The following WWP2 variants were observed in gnomAD, a reference collection of about 807,000 sequenced individuals.
WWP2 encodes NEDD4-like E3 ubiquitin-protein ligase WWP2.
Under a neutral mutation model 121.0 loss-of-function variants are expected in WWP2, and 57 were observed. The observed-to-expected ratio is 0.47, with a 90% CI of 0.38 to 0.59. WWP2 has a LOEUF of 0.59. Among genes scored for constraint, WWP2 ranks in the 20% least tolerant of loss-of-function variants. The pLI is 0.00. For missense variants in WWP2, 962 were observed against 1,158.9 expected, an observed-to-expected ratio of 0.83 and a Z score of 2.47; for synonymous variants, 449 against 441.3, an observed-to-expected ratio of 1.02 and a Z score of -0.22.
chr16:69,844,504 C>T (rs957708565), intron 6 of WWP2, among the ~76,000 whole-genome samples: 1 of 147,388 alleles, frequency 6.8e-6, no homozygotes, highest in African/African-American at 2.6e-5. Flanking sequence ...TCAGATTCAG[C>T]TATTAACAAG....
chr16:69,783,332 A>G (rs1230743942), intron 1 of WWP2, among the ~76,000 whole-genome samples: 2 of 152,090 alleles, frequency 1.3e-5, no homozygotes, highest in African/African-American at 2.4e-5. Context: ...TCTTAGAGTA[A>G]TATGGTGAAT....
chr16:69,917,544 T>G, intron 9 of WWP2, 165 bp from the exon 10 acceptor site: 1 of 651,874 alleles, frequency 1.5e-6, no homozygotes. Flanking sequence ...CAAGGAGGGA[T>G]TGGGTGCTGC....
chr16:69,867,082 T>C lies in WWP2; in HGVS notation c.576-4722T>C, dbSNP rs540189291. Among the ~76,000 whole-genome samples, 36 of 151,750 alleles carry C rather than the reference T, an allele frequency of 2.4e-4. 1 individual carries two copies. Among genetic ancestry groups the C allele is most frequent in the Non-Finnish European group, 5.0e-4 (34 of 67,964 alleles). On this transcript the variant is annotated intron_variant, in intron 6 of 23. Coordinates refer to ENST00000359154, the MANE Select transcript of WWP2 (RefSeq NM_001270454.2). The stretch of plus-strand genomic sequence containing the variant: ...AACTCCTGACCTCAGGTGATCCACC[T>C]GCCTCAGCCTCCTGAAGTGCTGGGA...
chr16:69,835,799 A>G (rs1295295977), intron 4 of WWP2, among the ~76,000 whole-genome samples: 1 of 142,970 alleles, frequency 7.0e-6, no homozygotes, highest in African/African-American at 2.6e-5. Context: ...ATAAAACCAA[A>G]GTAAATTTTT....
At chr16:69,912,955 A>G (rs56226752) in intron 9 of WWP2, among the ~76,000 whole-genome samples, 2 of 8,360 alleles carry the variant, frequency 2.4e-4, no homozygotes, top group African/African-American at 4.3e-4. Flanking sequence ...AAAAAAAAAA[A>G]ATATATATAT....
chr16:69,853,004 G>T (rs1408473226), intron 6 of WWP2, among the ~76,000 whole-genome samples: 1 of 152,208 alleles, frequency 6.6e-6, no homozygotes, highest in Non-Finnish European at 1.5e-5. Flanking sequence ...GGCAAGAGCA[G>T]TTCACAAAGG....
chr16:69,888,207 A>C lies in WWP2; in HGVS notation c.872A>C (p.Gln291Pro), dbSNP rs74460098. The C allele has an allele frequency of 6.2e-7, 1 of 1,614,146 alleles. No homozygotes were observed. Among genetic ancestry groups the C allele is most frequent in the Non-Finnish European group, 8.5e-7 (1 of 1,180,018 alleles). ...GEEPSTSGTQ[Q>P]LPAAAQAPDA... ...GAACCCAGCACTTCGGGTACACAGC[A>C]GCTCCCAGCGGCTGCCCAGGCCCCC... Residue 291 changes from glutamine to proline, a missense_variant, in exon 8 of 24, where the codon CAG (glutamine) becomes CCG (proline). By Grantham distance (76) the Gln-to-Pro change is moderately conservative. Coordinates refer to ENST00000359154, the MANE Select transcript of WWP2 (RefSeq NM_001270454.2).
rs774073903 is a variant in WWP2, at chr16:69,929,473, G to A, written c.1260G>A (p.Val420=). Reference sequence around the variant, plus strand: ...AGAAGAGACAGGACAATGGACGGGTGTATTACGTGAACCATAACACTCGCA... The same window carrying A: ...AGAAGAGACAGGACAATGGACGGGTATATTACGTGAACCATAACACTCGCA... ...GWEKRQDNGR[V]YYVNHNTRTT... The change falls in exon 12 of 24, where the codon GTG becomes GTA. Residue 420 remains valine, a synonymous_variant. Transcript: ENST00000359154. 10 of 1,614,136 alleles carry A rather than the reference G, an allele frequency of 6.2e-6. No individual in the cohort carries two copies. The East Asian group carries it at 1.3e-4, about 22-fold the overall frequency.
At chr16:69,864,095 G>A (rs6499265) in intron 6 of WWP2, among the ~76,000 whole-genome samples, 80,240 of 151,958 alleles carry the variant, frequency 0.53, 21,783 homozygotes, top group East Asian at 0.9. Context: ...CAGGTGTGGT[G>A]GCTCATGCCT....
chr16:69,871,765 G>C (rs1000640), intron 6 of WWP2, 39 bp from the exon 7 acceptor site: 161,874 of 1,609,794 alleles, frequency 0.1, 9,350 homozygotes, highest in South Asian at 0.21. Context: ...CCTTTTCACA[G>C]TGACTTATGT....
At chr16:69,848,658 AAAAG>A in intron 6 of WWP2, among the ~76,000 whole-genome samples, 1 of 151,544 alleles carries the variant, frequency 6.6e-6, no homozygotes, top group South Asian at 2.1e-4. Flanking sequence ...AAAAAAAAAA[AAAAG>A]AAGCTATATA....
At chr16:69,885,021 A>C (rs906679613) in intron 7 of WWP2, among the ~76,000 whole-genome samples, 7 of 151,262 alleles carry the variant, frequency 4.6e-5, no homozygotes, top group African/African-American at 1.7e-4. Flanking sequence ...ACATTGTTTT[A>C]ATTGCTGTAG....
intron 8 of WWP2, among the ~76,000 whole-genome samples, chr16:69,900,658 G>A (rs563537034): frequency 6.6e-6 from 1 of 152,180 alleles, no homozygotes; most frequent in African/African-American, 2.4e-5. Flanking sequence ...GAGTAGCTGG[G>A]ACTACAGGTG....
intron 8 of WWP2, among the ~76,000 whole-genome samples, chr16:69,896,680 C>T (rs1263948350): frequency 6.6e-6 from 1 of 151,304 alleles, no homozygotes; most frequent in African/African-American, 2.4e-5. Flanking sequence ...AGTTAACAAA[C>T]ACCCCCCCAG....
At chr16:69,780,813 G>T (rs1182329989) in intron 1 of WWP2, among the ~76,000 whole-genome samples, 1 of 152,080 alleles carries the variant, frequency 6.6e-6, no homozygotes, top group Non-Finnish European at 1.5e-5. Context: ...AGACTGGCCT[G>T]GGCAAGATGG....
At chr16:69,800,878 T>C (rs1436333175) in intron 4 of WWP2, among the ~76,000 whole-genome samples, 1 of 150,722 alleles carries the variant, frequency 6.6e-6, no homozygotes, top group East Asian at 2.0e-4. Flanking sequence ...TAGTTATTCT[T>C]AATGTTTTTT....
At chr16:69,936,879 G>C in intron 19 of WWP2, 1 of 533,058 alleles carries the variant, frequency 1.9e-6, no homozygotes, top group Non-Finnish European at 3.3e-6. Context: ...TTCAGTCGGC[G>C]CTGGGGGCAG....
rs1315766786 is a variant in WWP2 at position 69,935,784 on chromosome 16, C to T, written c.1843-69C>T. ...AGCGGTAGCAGAGTTTGATACCGAG[C>T]ATCTGAGAGCTGGTCTTGGCAGTGC... On this transcript the variant is annotated intron_variant, in intron 17 of 23. Transcript: ENST00000359154. The surrounding 1 kb of genome is among the most constrained non-coding windows in gnomAD (Gnocchi z 5.2). The T allele has an allele frequency of 6.5e-7, 1 of 1,540,194 alleles. No homozygotes were observed. Among genetic ancestry groups the T allele is most frequent in the Non-Finnish European group, 8.7e-7 (1 of 1,146,532 alleles).
intron 4 of WWP2, among the ~76,000 whole-genome samples, chr16:69,802,281 A>G (rs2056185709): frequency 6.6e-6 from 1 of 152,164 alleles, no homozygotes; most frequent in Admixed American, 6.6e-5. Flanking sequence ...AATCACGTTA[A>G]TAATTTTTAG....
Sources: gnomAD v4.1 joint callset for allele counts (sites outside exome capture counted in the v4.1 genomes callset) on GRCh38, gnomAD v4.1.1 for gene constraint, Gnocchi (gnomAD v3.1) non-coding constraint, MANE v1.5 for transcripts, NCBI Gene and HGNC (gene_info 2026-07-23, HGNC 2026-07-21) for gene names.